Variants in NEK1 observed in about 807,000 individuals in gnomAD.
NEK1 encodes serine/threonine-protein kinase Nek1.
Under a neutral mutation model 182.1 loss-of-function variants are expected in NEK1, and 137 were observed. The observed-to-expected ratio is 0.75, with a 90% CI of 0.65 to 0.87. NEK1 has a LOEUF of 0.87. NEK1 is among the 40% of genes least tolerant of loss of function. The probability of loss-of-function intolerance (pLI) is 0.00; values close to 1 mark genes in which losing one functional copy is unlikely to be tolerated. For synonymous variants in NEK1, 513 were observed against 492.2 expected, an observed-to-expected ratio of 1.04 and a Z score of -0.56; for missense variants, 1,391 against 1,494.4, an observed-to-expected ratio of 0.93 and a Z score of 1.14.
intron 11 of NEK1, 99 bp from the exon 12 acceptor site, chr4:169,577,178 T>C: frequency 8.9e-7 from 1 of 1,123,506 alleles, no homozygotes; most frequent in Non-Finnish European, 1.3e-6. Context: ...TTCATAATCA[T>C]TGATAGTATT....
chr4:169,573,623 TA>T (rs779240850), intron 12 of NEK1, among the ~76,000 whole-genome samples: 3 of 151,514 alleles, frequency 2.0e-5, no homozygotes, highest in Non-Finnish European at 2.9e-5. Flanking sequence ...GTAAGGAAAA[TA>T]GAAACAAAGA....
intron 29 of NEK1, among the ~76,000 whole-genome samples, chr4:169,430,116 TATA>T (rs1243098772): frequency 6.6e-6 from 1 of 152,218 alleles, no homozygotes; most frequent in Non-Finnish European, 1.5e-5. Flanking sequence ...CTATTATTCC[TATA>T]ATATGTAAAA....
chr4:169,521,887 A>G (rs2149752032), intron 19 of NEK1, among the ~76,000 whole-genome samples: 1 of 152,214 alleles, frequency 6.6e-6, no homozygotes, highest in East Asian at 1.9e-4. Flanking sequence ...CTTAGTGTGG[A>G]TTCGAGTTTA....
chr4:169,589,304 C>G (rs1768037886), intron 7 of NEK1, 143 bp downstream of exon 7: 1 of 638,888 alleles, frequency 1.6e-6, no homozygotes, highest in Non-Finnish European at 2.8e-6. Flanking sequence ...CCTAATGATG[C>G]CTTTCTCAGA....
At chr4:169,406,111 A>T (rs986550896) in intron 32 of NEK1, among the ~76,000 whole-genome samples, 5 of 151,612 alleles carry the variant, frequency 3.3e-5, no homozygotes, top group Non-Finnish European at 7.4e-5. Flanking sequence ...GAAAAAATAA[A>T]TTTTTTTTTG....
At chr4:169,550,026 T>C (rs940235818) in intron 18 of NEK1, among the ~76,000 whole-genome samples, 64 of 152,150 alleles carry the variant, frequency 4.2e-4, no homozygotes, top group African/African-American at 1.5e-3. Context: ...ATAAAATTTT[T>C]CAAGATTTAG....
At chr4:169,550,432 T>A (rs1306195324) in intron 18 of NEK1, among the ~76,000 whole-genome samples, 1 of 152,142 alleles carries the variant, frequency 6.6e-6, no homozygotes, top group Non-Finnish European at 1.5e-5. Context: ...GTTAAGTGAG[T>A]GAGGTCAGGA....
intron 19 of NEK1, among the ~76,000 whole-genome samples, chr4:169,525,526 T>C (rs1756762818): frequency 2.0e-5 from 3 of 152,284 alleles, no homozygotes; most frequent in Non-Finnish European, 4.4e-5. Context: ...ACTAATTTAC[T>C]ATACAGGATA....
At chr4:169,394,927 TG>T (rs2110919819) in intron 35 of NEK1, among the ~76,000 whole-genome samples, 1 of 152,220 alleles carries the variant, frequency 6.6e-6, no homozygotes, top group East Asian at 1.9e-4. Context: ...AGGTGGTGGG[TG>T]CATGGGTGAT....
Position 169,612,032 on chromosome 4 carries a change from G to C in NEK1, c.-61C>G, listed in dbSNP as rs1772404917. 1 of 152,268 alleles carries C rather than the reference G, an allele frequency of 6.6e-6. No homozygotes were observed. Among genetic ancestry groups the C allele is most frequent in the African/African-American group, 2.4e-5 (1 of 41,464 alleles). 9.4% of individuals were successfully genotyped at this position (152,268 alleles called of 1,614,324 possible). ...AAGTGGAACTCACCTCAGTGACACA[G>C]GACGTTAGTAGGAATAACGGTGATG... On this transcript the variant is annotated 5_prime_UTR_variant, in exon 2 of 36. Transcript: ENST00000507142.
chr4:169,419,144 G>A (rs1200775188), intron 31 of NEK1, among the ~76,000 whole-genome samples: 1 of 152,014 alleles, frequency 6.6e-6, no homozygotes, highest in African/African-American at 2.4e-5. Flanking sequence ...TAATCAAAAT[G>A]CTAGAAACCA....
chr4:169,408,874 G>A (rs72991155), intron 31 of NEK1, among the ~76,000 whole-genome samples: 5,369 of 152,256 alleles, frequency 0.035, 123 homozygotes, highest in African/African-American at 0.043. Context: ...CTCGTTGGTT[G>A]ATGGGCAGTT....
At chr4:169,414,969 A>G (rs1429892930) in intron 31 of NEK1, among the ~76,000 whole-genome samples, 1 of 152,228 alleles carries the variant, frequency 6.6e-6, no homozygotes, top group Admixed American at 6.5e-5. Context: ...TCTGAGTTAC[A>G]GTCATTTTCC....
intron 12 of NEK1, among the ~76,000 whole-genome samples, chr4:169,565,458 A>G (rs928840373): frequency 3.9e-5 from 6 of 152,218 alleles, no homozygotes; most frequent in African/African-American, 1.4e-4. Flanking sequence ...GAAGAACAAG[A>G]AATAAAAATT....
chr4:169,555,390 A>G (rs930011261), intron 18 of NEK1: 5 of 286,748 alleles, frequency 1.7e-5, no homozygotes, highest in African/African-American at 1.1e-4. Context: ...AGTGTGATTC[A>G]ATTTAGATTT....
chr4:169,507,747 C>G lies in NEK1; in HGVS notation c.1879G>C (p.Asp627His). 6.2e-7 allele frequency: 1 copy of G among 1,613,074 alleles called. No individual in the cohort carries two copies. Among genetic ancestry groups the G allele is most frequent in the South Asian group, 1.1e-5 (1 of 91,004 alleles). Reference sequence around the variant, plus strand: ...GATTCGATTTTTTTGCGCCTCATGTCAGCCTCTTCACTTCCTTCTTGTCCT... The same window carrying G: ...GATTCGATTTTTTTGCGCCTCATGTGAGCCTCTTCACTTCCTTCTTGTCCT... ...SEGQEGSEEA[D>H]MRRKKIESLK... Residue 627 changes from aspartate (D) to histidine (H), a missense_variant, in exon 22 of 36, where the codon GAC (aspartate) becomes CAC (histidine). By Grantham distance (81) the Asp-to-His change is moderately conservative. Coordinates refer to ENST00000507142, the MANE Select transcript of NEK1 (RefSeq NM_001199397.3).
Position 169,507,805 on chromosome 4 carries a change from T to C in NEK1, c.1834-13A>G, listed in dbSNP as rs1325528641. 6.3e-7 allele frequency: 1 copy of C among 1,591,002 alleles called. No homozygotes were observed. ...GATTAGCTTCTTTCTACAAAATAAG[T>C]AGATAAGCAAATCACTTAGGATAGA... On this transcript the variant is annotated splice_polypyrimidine_tract_variant and intron_variant, in intron 21 of 35. Transcript: ENST00000507142.
chr4:169,609,859 C>T (rs1432329940), intron 2 of NEK1, among the ~76,000 whole-genome samples: 3 of 152,034 alleles, frequency 2.0e-5, no homozygotes, highest in Admixed American at 6.6e-5. Flanking sequence ...AATTAAAATC[C>T]TTCAACAATT....
chr4:169,460,539 A>C (rs1310620710), intron 27 of NEK1, among the ~76,000 whole-genome samples: 3 of 152,124 alleles, frequency 2.0e-5, no homozygotes, highest in African/African-American at 7.2e-5. Context: ...GAGCCAAACC[A>C]TATCACTATG....
Sources: allele counts gnomAD v4.1 joint callset (sites outside exome capture counted in the v4.1 genomes callset), GRCh38; gene constraint gnomAD v4.1.1; transcripts MANE v1.5; gene names NCBI Gene and HGNC (gene_info 2026-07-23, HGNC 2026-07-21).